Variants in PTPRD observed in about 807,000 individuals in gnomAD.
PTPRD encodes protein tyrosine phosphatase receptor type D, also known as receptor-type tyrosine-protein phosphatase delta.
A neutral mutation model predicts 214.5 loss-of-function variants in PTPRD; 34 were observed. The ratio of observed to expected loss-of-function variants is 0.16; its 90% CI spans 0.12 to 0.21. The LOEUF (loss-of-function observed/expected upper bound fraction) is 0.21, where lower values mean the gene tolerates loss of function less well. PTPRD is among the 10% of genes least tolerant of loss of function. The probability of loss-of-function intolerance (pLI) is 1.00; values close to 1 mark genes in which losing one functional copy is unlikely to be tolerated. For missense variants in PTPRD, 2,545 were observed against 2,398.7 expected, an observed-to-expected ratio of 1.06 and a Z score of -1.27; for synonymous variants, 1,128 against 845.7, an observed-to-expected ratio of 1.33 and a Z score of -5.79.
At chr9:8,938,752 C>A (rs919093109) in intron 11 of PTPRD, among the ~76,000 whole-genome samples, 3 of 151,870 alleles carry the variant, frequency 2.0e-5, no homozygotes, top group Non-Finnish European at 2.9e-5. Flanking sequence ...AAGATTCTAA[C>A]CTTTCCCCAA....
At chr9:8,373,792 G>A (rs1486305990) in intron 39 of PTPRD, among the ~76,000 whole-genome samples, 1 of 150,164 alleles carries the variant, frequency 6.7e-6, no homozygotes, top group Non-Finnish European at 1.5e-5. Context: ...AGGGTGAAAT[G>A]CATTTTAAAA....
chr9:10,099,440 A>T (rs904485672), intron 3 of PTPRD, among the ~76,000 whole-genome samples: 1 of 151,834 alleles, frequency 6.6e-6, no homozygotes, highest in Non-Finnish European at 1.5e-5. Flanking sequence ...TATGAGTTAT[A>T]GTAAATTATA....
intron 8 of PTPRD, among the ~76,000 whole-genome samples, chr9:9,468,141 C>T (rs933632077): frequency 3.3e-5 from 5 of 151,954 alleles, no homozygotes; most frequent in African/African-American, 1.2e-4. Flanking sequence ...TTTTCTCTTT[C>T]TTTCTCTCTT....
At chr9:9,121,468 A>G (rs1264753762) in intron 10 of PTPRD, among the ~76,000 whole-genome samples, 2 of 152,328 alleles carry the variant, frequency 1.3e-5, no homozygotes, top group East Asian at 3.9e-4. Context: ...ATATATATAT[A>G]CACGATAGAA....
intron 8 of PTPRD, among the ~76,000 whole-genome samples, chr9:9,527,959 G>A (rs1188260533): frequency 6.6e-6 from 1 of 152,184 alleles, no homozygotes; most frequent in East Asian, 1.9e-4. Flanking sequence ...TGGATAACAA[G>A]TAGTGTAGGA....
chr9:10,287,208 G>A (rs560208064), intron 3 of PTPRD, among the ~76,000 whole-genome samples: 23 of 152,230 alleles, frequency 1.5e-4, no homozygotes, highest in African/African-American at 4.6e-4. Context: ...CAAGGGTAGC[G>A]TCACAATTAG....
At chr9:8,359,731 A>G (rs758880872) in intron 39 of PTPRD, among the ~76,000 whole-genome samples, 87 of 152,156 alleles carry the variant, frequency 5.7e-4, no homozygotes, top group Non-Finnish European at 8.2e-4. Context: ...ACAGGTGGAG[A>G]GACTCAGGAA....
intron 7 of PTPRD, among the ~76,000 whole-genome samples, chr9:9,630,860 T>G (rs553781904): frequency 6.6e-6 from 1 of 152,314 alleles, no homozygotes; most frequent in African/African-American, 2.4e-5. Context: ...TAGAATGTAC[T>G]TATATGTAAA....
chr9:9,450,323 T>C (rs1189426099), intron 8 of PTPRD, among the ~76,000 whole-genome samples: 1 of 151,930 alleles, frequency 6.6e-6, no homozygotes, highest in African/African-American at 2.4e-5. Context: ...TCTACTTTTA[T>C]TTCTTTAGGG....
chr9:10,419,702 G>C (rs969194235), intron 2 of PTPRD, among the ~76,000 whole-genome samples: 1 of 151,660 alleles, frequency 6.6e-6, no homozygotes, highest in African/African-American at 2.4e-5. Context: ...CAATGAAGAG[G>C]TCCAATTAGG....
At chr9:9,895,586 T>G (rs940372445) in intron 5 of PTPRD, among the ~76,000 whole-genome samples, 20 of 151,966 alleles carry the variant, frequency 1.3e-4, no homozygotes, top group Admixed American at 4.6e-4. Context: ...GAATCCACGA[T>G]GGTTACAGGA....
chr9:9,601,272 G>C (rs1436299260), intron 7 of PTPRD, among the ~76,000 whole-genome samples: 1 of 151,922 alleles, frequency 6.6e-6, no homozygotes, highest in Non-Finnish European at 1.5e-5. Flanking sequence ...CATGGTCAAA[G>C]ATGAAGCTTT....
intron 3 of PTPRD, among the ~76,000 whole-genome samples, chr9:10,095,779 T>C (rs1331080003): frequency 6.6e-6 from 1 of 151,562 alleles, no homozygotes; most frequent in South Asian, 2.1e-4. Context: ...TGCATCCTAC[T>C]TCATGGATAA....
In PTPRD at chr9:9,186,665, T is replaced by TCA. The variant is rs71500976; in HGVS notation, c.-202-3304_-202-3303dup. 2.8e-4 allele frequency among the ~76,000 whole-genome samples: 39 copies of TCA among 138,694 alleles called. 1 individual carries two copies. Among genetic ancestry groups the TCA allele is most frequent in the South Asian group, 7.0e-4 (3 of 4,308 alleles). 91.0% of individuals were successfully genotyped at this position (138,694 alleles called of 152,430 possible). The stretch of plus-strand genomic sequence containing the variant: ...CTCTCTCTCTCTCTCTCTCTCTCTC[T>TCA]CACACACACACACACAAACACACGT... On this transcript the variant is annotated intron_variant, in intron 9 of 45. Coordinates refer to ENST00000381196, the MANE Select transcript of PTPRD (RefSeq NM_002839.4).
intron 9 of PTPRD, among the ~76,000 whole-genome samples, chr9:9,277,956 T>G (rs1946280957): frequency 6.6e-6 from 1 of 151,356 alleles, no homozygotes; most frequent in African/African-American, 2.4e-5. Flanking sequence ...AAAGGATAAT[T>G]TTAGGACAAC....
chr9:9,233,752 AC>A (rs2099964683), intron 9 of PTPRD, among the ~76,000 whole-genome samples: 1 of 152,194 alleles, frequency 6.6e-6, no homozygotes, highest in Admixed American at 6.5e-5. Context: ...AAGTCATTAA[AC>A]CTTAAAGTTC....
chr9:9,938,121 G>A (rs1309593888), intron 5 of PTPRD, among the ~76,000 whole-genome samples: 16 of 152,212 alleles, frequency 1.1e-4, no homozygotes, highest in Admixed American at 9.2e-4. Flanking sequence ...CCAGTAAGGT[G>A]GCACTGAACA....
intron 5 of PTPRD, among the ~76,000 whole-genome samples, 179 bp downstream of exon 5, chr9:9,938,328 T>C (rs1216800062): frequency 1.3e-5 from 2 of 152,212 alleles, no homozygotes; most frequent in African/African-American, 4.8e-5. Flanking sequence ...AGTATATGCA[T>C]TGACCTAAAG....
chr9:9,595,625 GAATT>G (rs1247091896), intron 7 of PTPRD, among the ~76,000 whole-genome samples: 1 of 151,628 alleles, frequency 6.6e-6, no homozygotes, highest in Admixed American at 6.6e-5. Context: ...TAAAAGGAAT[GAATT>G]AATGGCCTTT....
Sources: allele counts gnomAD v4.1 joint callset (sites outside exome capture counted in the v4.1 genomes callset), GRCh38; gene constraint gnomAD v4.1.1; transcripts MANE v1.5; gene names NCBI Gene and HGNC (gene_info 2026-07-23, HGNC 2026-07-21).